The following RNF8 variants were observed in gnomAD, a reference collection of about 807,000 sequenced individuals.
RNF8 encodes the protein E3 ubiquitin-protein ligase RNF8.
In RNF8, 8 loss-of-function variants were observed where a neutral mutation model predicts 59.3. The ratio of observed to expected loss-of-function variants is 0.13; its 90% CI spans 0.08 to 0.24. The LOEUF is 0.24. Ranked by LOEUF, RNF8 falls within the 10% of genes least tolerant of loss-of-function variation. The pLI is 1.00. For missense variants in RNF8, 406 were observed against 572.6 expected (o/e 0.71, Z 2.97); for synonymous variants, 162 against 200.0 (o/e 0.81, Z 1.60).
At chr6:37,389,706 G>T (rs865938423) in intron 7 of RNF8, among the ~76,000 whole-genome samples, 27 of 151,790 alleles carry the variant, frequency 1.8e-4, no homozygotes, top group African/African-American at 6.1e-4. Context: ...ATCGTGGGGG[G>T]GTGGGGCAAG....
chr6:37,379,039 CAG>C (rs1476151095), intron 6 of RNF8, among the ~76,000 whole-genome samples: 1 of 152,066 alleles, frequency 6.6e-6, no homozygotes, highest in African/African-American at 2.4e-5. Context: ...ATTTTTGAGA[CAG>C]AGTCTCACTG....
intron 4 of RNF8, among the ~76,000 whole-genome samples, chr6:37,372,177 C>T (rs2113824096): frequency 6.6e-6 from 1 of 152,320 alleles, no homozygotes; most frequent in African/African-American, 2.4e-5. Context: ...TTAAAACCTA[C>T]TATGTCTTCT....
At chr6:37,366,846 A>G (rs1323386723) in intron 2 of RNF8, among the ~76,000 whole-genome samples, 1 of 152,192 alleles carries the variant, frequency 6.6e-6, no homozygotes, top group East Asian at 1.9e-4. Context: ...TCACCAGTAT[A>G]TTTCAACTCT....
In RNF8 at chr6:37,357,428, G is replaced by A. The variant is rs535641874; in HGVS notation, c.112-3018G>A. On this transcript the variant is annotated intron_variant, in intron 1 of 7. Coordinates refer to ENST00000373479, the MANE Select transcript of RNF8 (RefSeq NM_003958.4). ...GAAAAGGCACTCTTCTACTGTTTTG[G>A]TACTGTTTTCCCCTGGCTACTCACA... Among the ~76,000 whole-genome samples, 6 of 152,264 alleles carry A rather than the reference G, an allele frequency of 3.9e-5. No individual in the cohort carries two copies. The South Asian group carries it at 1.2e-3, about 32-fold the overall frequency.
chr6:37,354,382 G>C, intron 1 of RNF8, 107 bp downstream of exon 1: 18 of 863,274 alleles, frequency 2.1e-5, no homozygotes, highest in Non-Finnish European at 3.1e-5. Flanking sequence ...CAGAGAGGAG[G>C]CGGGCATCAG....
rs1388362219 is a variant in RNF8, at chr6:37,391,272, C to G, written c.*514C>G. On this transcript the variant is annotated 3_prime_UTR_variant, in exon 8 of 8. Coordinates refer to ENST00000373479, the MANE Select transcript of RNF8 (RefSeq NM_003958.4). ...GGCTTTGGTGTATTTACCTTCCTTC[C>G]CTTCCTGCTCCCAGACAGTCTCACA... 6.1e-6 allele frequency: 1 copy of G among 163,714 alleles called. No individual in the cohort carries two copies. Among genetic ancestry groups the G allele is most frequent in the Non-Finnish European group, 1.3e-5 (1 of 75,198 alleles). The allele number at this position is 163,714 out of a possible 1,614,324, so 10.1% of individuals were successfully genotyped here.
intron 7 of RNF8, among the ~76,000 whole-genome samples, chr6:37,388,005 G>A (rs1261496457): frequency 6.6e-6 from 1 of 152,188 alleles, no homozygotes; most frequent in African/African-American, 2.4e-5. Flanking sequence ...TCTAGGGGCA[G>A]GGGGAAACAG....
chr6:37,384,605 A>T (rs1236870765), intron 7 of RNF8, among the ~76,000 whole-genome samples: 1 of 152,230 alleles, frequency 6.6e-6, no homozygotes, highest in Non-Finnish European at 1.5e-5. Context: ...AGGTCAGACC[A>T]CATGGCCTGT....
At chr6:37,380,632 C>T (rs1770215823) in intron 6 of RNF8, among the ~76,000 whole-genome samples, 1 of 149,618 alleles carries the variant, frequency 6.7e-6, no homozygotes, top group Admixed American at 6.6e-5. Context: ...GATCGCGCCA[C>T]TGCACTCCAG....
Position 37,381,152 on chromosome 6 carries a change from T to C in RNF8, c.1239T>C (p.Ala413=). 1.2e-6 allele frequency: 2 copies of C among 1,613,642 alleles called. No homozygotes were observed. Among genetic ancestry groups the C allele is most frequent in the Non-Finnish European group, 1.7e-6 (2 of 1,179,516 alleles). The change falls in exon 7 of 8, where the codon GCT becomes GCC. Residue 413 remains alanine, a splice_region_variant and synonymous_variant. Coordinates refer to ENST00000373479, the MANE Select transcript of RNF8 (RefSeq NM_003958.4). Reference sequence around the variant, plus strand: ...GTGTGTCCACATTCCTACTGTAGGCTGTCACCTTGAACTGTGCCCACAGTT... The same window carrying C: ...GTGTGTCCACATTCCTACTGTAGGCCGTCACCTTGAACTGTGCCCACAGTT... The part of the protein sequence containing the change: ...CIICSEYFIE[A]VTLNCAHSFC...
chr6:37,356,840 G>C (rs1769136217), intron 1 of RNF8, among the ~76,000 whole-genome samples: 1 of 152,204 alleles, frequency 6.6e-6, no homozygotes, highest in Non-Finnish European at 1.5e-5. Flanking sequence ...CCTGGTTCAA[G>C]TGGTTCTTCT....
intron 2 of RNF8, among the ~76,000 whole-genome samples, chr6:37,366,550 A>G (rs1438754251): frequency 6.6e-6 from 1 of 152,230 alleles, no homozygotes; most frequent in Admixed American, 6.5e-5. Flanking sequence ...GTATGTATCT[A>G]TGCCAGTCTT....
At position 37,392,604 on chromosome 6, in the gene RNF8, T is replaced by C. The variant is rs1358561802; in HGVS notation, c.*1846T>C. ...TTCTGAACCTTGCTTTTTTCAGATA[T>C]ATGTTGGCAACAGTTCCATGTCAGT... On this transcript the variant is annotated 3_prime_UTR_variant, in exon 8 of 8. Transcript: ENST00000373479. 2.5e-6 allele frequency: 1 copy of C among 398,486 alleles called. No individual in the cohort carries two copies. The highest frequency in any genetic ancestry group is 2.1e-5 in the African/African-American group (1 of 48,626). The allele number at this position is 398,486 out of a possible 1,614,324, so 24.7% of individuals were successfully genotyped here.
chr6:37,388,546 A>T (rs1770600707), intron 7 of RNF8, among the ~76,000 whole-genome samples: 1 of 152,186 alleles, frequency 6.6e-6, no homozygotes, highest in African/African-American at 2.4e-5. Context: ...GTTCTTAGCC[A>T]TGAGAAACAC....
At chr6:37,362,516 TTTAA>T (rs10549535) in intron 2 of RNF8, among the ~76,000 whole-genome samples, 110,054 of 151,724 alleles carry the variant, frequency 0.73, 40,044 homozygotes, top group African/African-American at 0.77. Context: ...AGATAACTGA[TTTAA>T]TTTTAAGAGA....
At chr6:37,369,610 G>A (rs1157671615) in intron 3 of RNF8, among the ~76,000 whole-genome samples, 2 of 152,360 alleles carry the variant, frequency 1.3e-5, no homozygotes, top group Non-Finnish European at 2.9e-5. Flanking sequence ...TTCAAGACTT[G>A]TGTATCTTTG....
chr6:37,386,943 C>T (rs551903729), intron 7 of RNF8, among the ~76,000 whole-genome samples: 11 of 152,258 alleles, frequency 7.2e-5, no homozygotes, highest in East Asian at 1.9e-4. Flanking sequence ...TCCCTCCTAA[C>T]GTGTAATTTT....
At chr6:37,390,632 C>A in intron 7 of RNF8, 110 bp from the exon 8 acceptor site, 2 of 740,232 alleles carry the variant, frequency 2.7e-6, no homozygotes, top group South Asian at 1.6e-5. Flanking sequence ...TCTCAGTTCG[C>A]TATGGCTGCT....
chr6:37,380,942 C>T (rs1208125566), intron 6 of RNF8, among the ~76,000 whole-genome samples: 7 of 152,198 alleles, frequency 4.6e-5, no homozygotes, highest in East Asian at 3.9e-4. Flanking sequence ...CTTGGCCTTC[C>T]GAAGTGCCAG....
Sources: gnomAD v4.1 joint callset for allele counts (sites outside exome capture counted in the v4.1 genomes callset) on GRCh38, gnomAD v4.1.1 for gene constraint, MANE v1.5 for transcripts, NCBI Gene and HGNC (gene_info 2026-07-23, HGNC 2026-07-21) for gene names.